The following NOL4 variants were observed in gnomAD, a reference collection of about 807,000 sequenced individuals.
NOL4 encodes the protein cancer/testis antigen 125.
Under a neutral mutation model 75.9 loss-of-function variants are expected in NOL4, and 17 were observed. The ratio of observed to expected loss-of-function variants is 0.22; its 90% CI spans 0.15 to 0.34. The LOEUF is 0.34. NOL4 is among the 10% of genes least tolerant of loss of function. The probability of loss-of-function intolerance (pLI) is 1.00; values close to 1 mark genes in which losing one functional copy is unlikely to be tolerated. For synonymous variants in NOL4, 292 were observed against 289.9 expected (o/e 1.01, Z -0.07); for missense variants, 614 against 793.5 (o/e 0.77, Z 2.72).
intron 9 of NOL4, among the ~76,000 whole-genome samples, chr18:33,937,462 G>A (rs1473660287): frequency 6.6e-6 from 1 of 152,150 alleles, no homozygotes; most frequent in Non-Finnish European, 1.5e-5. Flanking sequence ...TGGCTTAACA[G>A]AAAGCCAATT....
intron 2 of NOL4, among the ~76,000 whole-genome samples, chr18:34,107,653 A>C (rs1341470360): frequency 1.3e-5 from 2 of 151,954 alleles, no homozygotes; most frequent in East Asian, 3.9e-4. Context: ...TTCTGAAAAA[A>C]AATATTTCTC....
intron 9 of NOL4, among the ~76,000 whole-genome samples, chr18:33,913,397 A>C (rs1475390417): frequency 6.6e-6 from 1 of 152,170 alleles, no homozygotes; most frequent in Non-Finnish European, 1.5e-5. Flanking sequence ...TCCAATCATC[A>C]GTGTTTGGAT....
At chr18:34,045,817 A>C (rs1372224773) in intron 5 of NOL4, among the ~76,000 whole-genome samples, 3 of 152,184 alleles carry the variant, frequency 2.0e-5, no homozygotes, top group African/African-American at 7.2e-5. Flanking sequence ...TGCTCAAATC[A>C]AACATTAATC....
intron 10 of NOL4, among the ~76,000 whole-genome samples, chr18:33,864,980 T>C (rs1443560042): frequency 6.6e-6 from 1 of 152,136 alleles, no homozygotes; most frequent in African/African-American, 2.4e-5. Flanking sequence ...TCTCCCATGA[T>C]TTAATCACCT....
At chr18:33,978,508 C>G (rs2071685022) in intron 6 of NOL4, among the ~76,000 whole-genome samples, 1 of 152,040 alleles carries the variant, frequency 6.6e-6, no homozygotes, top group Non-Finnish European at 1.5e-5. Flanking sequence ...TCCTTGAGAA[C>G]TTATGAAATT....
In NOL4 at chr18:34,223,284, T is replaced by G; in HGVS notation, c.-31A>C. 1.2e-6 allele frequency: 2 copies of G among 1,607,846 alleles called. No homozygotes were observed. Among genetic ancestry groups the G allele is most frequent in the Non-Finnish European group, 1.7e-6 (2 of 1,178,290 alleles). ...CCGCGCTCGGCCGCTGGCCGGATGC[T>G]CCCAGCGCACTTCGCACCTGTTCAC... On this transcript the variant is annotated 5_prime_UTR_variant, in exon 1 of 11. Transcript: ENST00000261592.
chr18:34,126,378 C>G (rs567908495), intron 2 of NOL4, among the ~76,000 whole-genome samples: 1 of 152,220 alleles, frequency 6.6e-6, no homozygotes, highest in South Asian at 2.1e-4. Flanking sequence ...CCACTCCTGA[C>G]TTGAATGTAA....
chr18:33,974,388 C>G (rs538087501), intron 6 of NOL4, among the ~76,000 whole-genome samples: 3 of 152,200 alleles, frequency 2.0e-5, no homozygotes, highest in African/African-American at 7.2e-5. Context: ...AGCAATAAAG[C>G]TGTTTTGCTT....
Position 34,167,044 on chromosome 18 carries a change from C to CAA in NOL4, c.265-37026_265-37025dup, listed in dbSNP as rs1174730527. Among the ~76,000 whole-genome samples, 52 of 5,652 alleles carry CAA rather than the reference C, an allele frequency of 9.2e-3. 12 individuals are homozygous for CAA. The highest frequency in any genetic ancestry group is 0.013 in the African/African-American group (19 of 1,436). 3.7% of individuals were successfully genotyped at this position (5,652 alleles called of 152,430 possible). ...TGGGCGACAGAGCGAGACTCCGTCT[C>CAA]AAAAAAAAAAAAAAAAAAAAAAAAA... is the stretch of plus-strand genomic sequence containing the variant. On this transcript the variant is annotated intron_variant, in intron 1 of 10. Coordinates refer to ENST00000261592, the MANE Select transcript of NOL4 (RefSeq NM_003787.5).
chr18:34,077,878 C>G (rs141808395), intron 5 of NOL4, among the ~76,000 whole-genome samples: 1 of 152,034 alleles, frequency 6.6e-6, no homozygotes, highest in Non-Finnish European at 1.5e-5. Context: ...TTTCCCATGG[C>G]AATACTACAA....
chr18:33,929,044 G>A (rs898572147), intron 9 of NOL4, among the ~76,000 whole-genome samples: 1 of 150,978 alleles, frequency 6.6e-6, no homozygotes, highest in Admixed American at 6.6e-5. Context: ...CCACAGTATC[G>A]GGATCTCACT....
At chr18:34,069,286 A>G (rs1038469560) in intron 5 of NOL4, among the ~76,000 whole-genome samples, 2 of 152,184 alleles carry the variant, frequency 1.3e-5, no homozygotes, top group Non-Finnish European at 2.9e-5. Flanking sequence ...AAGATTGGAC[A>G]TGGGTAAAGA....
intron 5 of NOL4, among the ~76,000 whole-genome samples, chr18:34,034,750 C>T (rs530882677): frequency 6.6e-6 from 1 of 151,460 alleles, no homozygotes; most frequent in African/African-American, 2.4e-5. Context: ...ACCCCACCCC[C>T]CAAAAAAGCA....
At chr18:34,129,834 G>A (rs780918241) in intron 2 of NOL4, 37 bp downstream of exon 2, 58 of 1,510,470 alleles carry the variant, frequency 3.8e-5, no homozygotes, top group East Asian at 2.4e-4. Flanking sequence ...ATCAAGTCTC[G>A]AAATGCATGC....
intron 1 of NOL4, among the ~76,000 whole-genome samples, chr18:34,178,594 T>G (rs1252692880): frequency 6.6e-6 from 1 of 151,696 alleles, no homozygotes; most frequent in Non-Finnish European, 1.5e-5. Flanking sequence ...AGGCAAAAGT[T>G]GTACTATAGA....
chr18:34,013,651 A>G (rs1368816000), intron 6 of NOL4, among the ~76,000 whole-genome samples: 3 of 151,936 alleles, frequency 2.0e-5, no homozygotes, highest in Admixed American at 1.3e-4. Flanking sequence ...CTAAGTGGCC[A>G]TCTCCTATTT....
intron 6 of NOL4, among the ~76,000 whole-genome samples, chr18:34,005,803 T>C (rs1161272399): frequency 1.3e-5 from 2 of 152,030 alleles, no homozygotes; most frequent in African/African-American, 4.8e-5. Context: ...GGAAAGTGCC[T>C]CTCCTGACTT....
chr18:33,917,045 A>C (rs1247248372), intron 9 of NOL4, among the ~76,000 whole-genome samples: 2 of 152,204 alleles, frequency 1.3e-5, no homozygotes, highest in Admixed American at 1.3e-4. Context: ...ACTATGCAGA[A>C]GGCTGGATTT....
Position 33,873,500 on chromosome 18 carries a change from T to C in NOL4, c.1723+9744A>G, listed in dbSNP as rs146799784. The stretch of plus-strand genomic sequence containing the variant: ...ATTTATGTATTTCAAGATATTTCTC[T>C]AAAACGTTTGATATGAAACATTTCC... On this transcript the variant is annotated intron_variant, in intron 10 of 10. Coordinates refer to ENST00000261592, the MANE Select transcript of NOL4 (RefSeq NM_003787.5). Among the ~76,000 whole-genome samples the C allele has an allele frequency of 1.1e-4, 16 of 152,174 alleles. No individual in the cohort carries two copies. In the East Asian group the frequency reaches 2.3e-3, roughly 22 times the overall value.
Sources: gnomAD v4.1 joint callset for allele counts (sites outside exome capture counted in the v4.1 genomes callset) on GRCh38, gnomAD v4.1.1 for gene constraint, MANE v1.5 for transcripts, NCBI Gene and HGNC (gene_info 2026-07-23, HGNC 2026-07-21) for gene names.